Variants in CECR2 observed in about 807,000 individuals in gnomAD.
The protein encoded by CECR2 is CECR2 histone acetyl-lysine reader, also known as chromatin remodeling regulator CECR2.
Under a neutral mutation model 154.5 loss-of-function variants are expected in CECR2, and 30 were observed. The ratio of observed to expected loss-of-function variants is 0.19; its 90% CI spans 0.15 to 0.26. The LOEUF (loss-of-function observed/expected upper bound fraction) is 0.26. Among genes scored for constraint, CECR2 ranks in the 10% least tolerant of loss-of-function variants. CECR2 has a pLI of 1.00. For missense variants in CECR2, 1,743 were observed against 1,829.3 expected, an observed-to-expected ratio of 0.95 and a Z score of 0.86; for synonymous variants, 725 against 683.7, an observed-to-expected ratio of 1.06 and a Z score of -0.94.
chr22:17,368,160 GTTA>G (rs149808510), upstream of CECR2, among the ~76,000 whole-genome samples: 3,489 of 151,936 alleles, frequency 0.023, 173 homozygotes, highest in East Asian at 0.22. Flanking sequence ...AATACAACAA[GTTA>G]TTATCATAAT....
rs537896547 is a variant in CECR2, at chr22:17,482,421, A to G, written c.221+4739A>G. ...CCTGGGCGACAGAGCGAGACAAGAC[A>G]TAGCATATACCGTCATGTACACTAC... On this transcript the variant is annotated intron_variant, in intron 2 of 18. Coordinates refer to ENST00000262608, the MANE Select transcript of CECR2 (RefSeq NM_001290047.2). Among the ~76,000 whole-genome samples, 18 of 152,304 alleles carry G rather than the reference A, an allele frequency of 1.2e-4. No homozygotes were observed. In the South Asian group the frequency reaches 2.3e-3, roughly 19 times the overall value.
chr22:17,368,948 T>G (rs1290470669), upstream of CECR2, among the ~76,000 whole-genome samples: 1 of 152,098 alleles, frequency 6.6e-6, no homozygotes, highest in African/African-American at 2.4e-5. Context: ...GGCGCCGTTC[T>G]CGGCTGGAAT....
chr22:17,533,646 T>C (rs922483812), intron 9 of CECR2, among the ~76,000 whole-genome samples: 1 of 151,970 alleles, frequency 6.6e-6, no homozygotes, highest in African/African-American at 2.4e-5. Context: ...AAAAAGAATC[T>C]GTGGATCTCA....
Position 17,542,662 on chromosome 22 carries a change from T to C in CECR2, c.2519T>C (p.Met840Thr). The change falls in exon 16 of 19, where the codon ATG (methionine) becomes ACG (threonine). Residue 840 changes from methionine (M) to threonine (T), a missense_variant. Around this residue, in one of 4 missense-constraint regions of CECR2, gnomAD observed 1,250 missense variants for 1,192.1 expected, o/e 1.05. Coordinates refer to ENST00000262608, the MANE Select transcript of CECR2 (RefSeq NM_001290047.2). ...LPHGVPSSGY[M>T]RPPCKSAGHR... ...CATGGAGTTCCTTCCTCAGGGTACATGCGACCGCCCTGCAAGTCTGCCGGA... is the reference window on the plus strand; with the variant it reads ...CATGGAGTTCCTTCCTCAGGGTACACGCGACCGCCCTGCAAGTCTGCCGGA... 1.9e-6 allele frequency: 3 copies of C among 1,614,006 alleles called. No individual in the cohort carries two copies. The highest frequency in any genetic ancestry group is 2.5e-6 in the Non-Finnish European group (3 of 1,179,898).
At chr22:17,401,685 G>GGA (rs1431160237) in intron 1 of CECR2, among the ~76,000 whole-genome samples, 18 of 152,092 alleles carry the variant, frequency 1.2e-4, no homozygotes, top group Non-Finnish European at 4.4e-5. Context: ...GCCAGTTGAG[G>GGA]GATAGATAGT....
Position 17,486,750 on chromosome 22 carries a change from A to T in CECR2, c.221+9068A>T, listed in dbSNP as rs538096083. On this transcript the variant is annotated intron_variant, in intron 2 of 18. Transcript: ENST00000262608. ...TATATATGGAAAACTTACGAAGAAG[A>T]TCAAGTGAAAGCTTATCGCAATTCA... Among the ~76,000 whole-genome samples the T allele has an allele frequency of 6.6e-5, 10 of 152,394 alleles. No individual in the cohort carries two copies. In the South Asian group the frequency reaches 2.1e-3, roughly 32 times the overall value.
chr22:17,417,161 A>G (rs2054168829), intron 1 of CECR2, among the ~76,000 whole-genome samples: 3 of 152,144 alleles, frequency 2.0e-5, no homozygotes, highest in Admixed American at 1.3e-4. Flanking sequence ...GCGTTTCAGA[A>G]GTTTCTGTTG....
chr22:17,395,984 A>G (rs916791317), intron 1 of CECR2, among the ~76,000 whole-genome samples: 1 of 152,086 alleles, frequency 6.6e-6, no homozygotes, highest in African/African-American at 2.4e-5. Flanking sequence ...TCATGCCTGT[A>G]ATCCCAGCAC....
In CECR2 at chr22:17,538,481, G is replaced by A. The variant is rs760643641; in HGVS notation, c.1239-39G>A. The A allele has an allele frequency of 1.3e-5, 20 of 1,592,434 alleles. No homozygotes were observed. The East Asian group carries it at 4.5e-4, about 36-fold the overall frequency. On this transcript the variant is annotated intron_variant, in intron 10 of 18. Transcript: ENST00000262608. ...CTGAGAGAGCTCAGGAGAGAAGGTGGTCAGAGTTACTATTAATTTCTTATT... is the reference window on the plus strand; with the variant it reads ...CTGAGAGAGCTCAGGAGAGAAGGTGATCAGAGTTACTATTAATTTCTTATT...
rs1455817400 is a variant in CECR2 at position 17,487,237 on chromosome 22, T to C, written c.221+9555T>C. ...TGGTCCTGTATCAATAAAAATACTT[T>C]AGGAATTTAACTAGTGGCTCTTTCA... On this transcript the variant is annotated intron_variant, in intron 2 of 18. Coordinates refer to ENST00000262608, the MANE Select transcript of CECR2 (RefSeq NM_001290047.2). 5.3e-5 allele frequency among the ~76,000 whole-genome samples: 8 copies of C among 152,188 alleles called. No homozygotes were observed. The South Asian group carries it at 1.2e-3, about 24-fold the overall frequency.
At chr22:17,539,572 G>A (rs946472019) in intron 13 of CECR2, among the ~76,000 whole-genome samples, 7 of 152,038 alleles carry the variant, frequency 4.6e-5, no homozygotes, top group African/African-American at 1.5e-4. Flanking sequence ...TGTAAATGAC[G>A]AGTTAATGGG....
rs775554817 is a variant in CECR2 at position 17,542,459 on chromosome 22, C to T, written c.2316C>T (p.Ala772=). 7 of 1,613,944 alleles carry T rather than the reference C, an allele frequency of 4.3e-6. No homozygotes were observed. Among genetic ancestry groups the T allele is most frequent in the Non-Finnish European group, 5.1e-6 (6 of 1,179,886 alleles). The change falls in exon 16 of 19, where the codon GCC becomes GCT. Residue 772 remains alanine (A), a synonymous_variant. Coordinates refer to ENST00000262608, the MANE Select transcript of CECR2 (RefSeq NM_001290047.2). ...AGTACCTGAATCGAGTACACTCTGC[C>T]GTCTGGAATGGGAACCATGGTGCTA... The part of the protein sequence containing the change: ...SYKYLNRVHS[A]VWNGNHGATN...
intron 1 of CECR2, among the ~76,000 whole-genome samples, chr22:17,375,534 A>T (rs1481030771): frequency 6.6e-6 from 1 of 152,208 alleles, no homozygotes; most frequent in African/African-American, 2.4e-5. Context: ...AATGTATATA[A>T]TGTCAAAAGG....
intron 1 of CECR2, among the ~76,000 whole-genome samples, chr22:17,379,251 C>T (rs2063156632): frequency 6.6e-6 from 1 of 152,126 alleles, no homozygotes; most frequent in Non-Finnish European, 1.5e-5. Flanking sequence ...GCCCCCCGCG[C>T]CTGGCATTGT....
At chr22:17,517,451 C>T (rs1203579464) in intron 8 of CECR2, among the ~76,000 whole-genome samples, 1 of 152,170 alleles carries the variant, frequency 6.6e-6, no homozygotes, top group Admixed American at 6.5e-5. Flanking sequence ...TCATTTCTAC[C>T]ACTGATACCA....
chr22:17,525,746 TTTTA>T (rs1366272017), intron 9 of CECR2, among the ~76,000 whole-genome samples: 3 of 152,206 alleles, frequency 2.0e-5, no homozygotes, highest in South Asian at 2.1e-4. Context: ...AATAACTGGC[TTTTA>T]TTTGTTTATA....
chr22:17,363,238 G>T (rs2062985951), intron 1 of CECR2, among the ~76,000 whole-genome samples: 1 of 150,864 alleles, frequency 6.6e-6, no homozygotes, highest in Non-Finnish European at 1.5e-5. Context: ...TTGAGTTGGG[G>T]TCTCGCTTTC....
At position 17,525,314 on chromosome 22, in the gene CECR2, AAG is replaced by A. The variant is rs2056243542; in HGVS notation, c.1108+1045_1108+1046del. Among the ~76,000 whole-genome samples the A allele has an allele frequency of 6.9e-5, 10 of 145,888 alleles. 1 individual carries two copies. The highest frequency in any genetic ancestry group is 1.8e-4 in the African/African-American group (7 of 39,352). ...AAAAAAAAAAAAAAAAAAAAAAAAA[AAG>A]AAAGGAAGGGAGGGAGGGAAAAGAA... On this transcript the variant is annotated intron_variant, in intron 9 of 18. Coordinates refer to ENST00000262608, the MANE Select transcript of CECR2 (RefSeq NM_001290047.2).
chr22:17,430,280 C>CA (rs564267396), intron 1 of CECR2, among the ~76,000 whole-genome samples: 1 of 152,154 alleles, frequency 6.6e-6, no homozygotes, highest in Non-Finnish European at 1.5e-5. Flanking sequence ...ATTTGTTTAG[C>CA]AAAATGGTGT....
Sources: allele counts gnomAD v4.1 joint callset (sites outside exome capture counted in the v4.1 genomes callset), GRCh38; gene constraint gnomAD v4.1.1; regional missense constraint gnomAD v4.1.1; transcripts MANE v1.5; gene names NCBI Gene and HGNC (gene_info 2026-07-23, HGNC 2026-07-21).